TNRC6B: variants seen among roughly 807,000 people sequenced by gnomAD.
TNRC6B encodes trinucleotide repeat-containing gene 6B protein.
Under a neutral mutation model 203.6 loss-of-function variants are expected in TNRC6B, and 52 were observed. That is an observed-to-expected ratio of 0.26 (90% CI 0.20 to 0.32). TNRC6B has a LOEUF of 0.32. Ranked by LOEUF, TNRC6B falls within the 10% of genes least tolerant of loss-of-function variation. TNRC6B has a pLI of 1.00. For synonymous variants in TNRC6B, 838 were observed against 845.7 expected, an observed-to-expected ratio of 0.99 and a Z score of 0.16; for missense variants, 1,923 against 2,286.2, an observed-to-expected ratio of 0.84 and a Z score of 3.24.
chr22:40,096,735 A>G (rs2068188715), intron 1 of TNRC6B, among the ~76,000 whole-genome samples: 1 of 152,248 alleles, frequency 6.6e-6, no homozygotes, highest in African/African-American at 2.4e-5. Flanking sequence ...AATATTTATT[A>G]GCCAGAAAGC....
At chr22:40,182,906 T>C (rs2069152617) in intron 1 of TNRC6B, among the ~76,000 whole-genome samples, 1 of 152,206 alleles carries the variant, frequency 6.6e-6, no homozygotes, top group African/African-American at 2.4e-5. Context: ...GGAATTGCCT[T>C]CCTAGTTATT....
chr22:40,152,537 C>T (rs1174766697), intron 3 of TNRC6B, among the ~76,000 whole-genome samples: 1 of 152,110 alleles, frequency 6.6e-6, no homozygotes, highest in Non-Finnish European at 1.5e-5. Context: ...ACCATGTTAG[C>T]CAGGATGGTC....
In TNRC6B at chr22:40,138,470, T is replaced by C. The variant is rs1488103448; in HGVS notation, c.45+12608T>C. ...TAGTAGAGACGGGGTTTCGCTATGT[T>C]GGCCAGACTGGTCTCGAATTCCTGA... On this transcript the variant is annotated intron_variant, in intron 3 of 23. Transcript: ENST00000301923. Among the ~76,000 whole-genome samples the C allele has an allele frequency of 5.3e-5, 8 of 152,154 alleles. No homozygotes were observed. In the East Asian group the frequency reaches 1.5e-3, roughly 29 times the overall value.
chr22:40,088,152 C>G (rs2068116632), intron 1 of TNRC6B, among the ~76,000 whole-genome samples: 15 of 152,142 alleles, frequency 9.9e-5, no homozygotes, highest in Admixed American at 9.8e-4. Flanking sequence ...AAAGACTTTC[C>G]TATCTCGTCT....
At chr22:40,236,617 C>T (rs2069950935) in intron 1 of TNRC6B, among the ~76,000 whole-genome samples, 1 of 152,168 alleles carries the variant, frequency 6.6e-6, no homozygotes, top group Non-Finnish European at 1.5e-5. Flanking sequence ...GATGCTGTTA[C>T]AGCCAGTCAT....
At chr22:40,245,350 C>G (rs1290833500) in intron 1 of TNRC6B, among the ~76,000 whole-genome samples, 1 of 152,120 alleles carries the variant, frequency 6.6e-6, no homozygotes, top group Non-Finnish European at 1.5e-5. Context: ...CTCAGCCTCC[C>G]AGAGTGCTGG....
chr22:40,231,525 CT>C (rs138052), intron 1 of TNRC6B, among the ~76,000 whole-genome samples: 48,684 of 151,874 alleles, frequency 0.32, 9,557 homozygotes, highest in East Asian at 0.57. Flanking sequence ...TATATGGAAT[CT>C]TTTTTTAAAA....
intron 15 of TNRC6B, among the ~76,000 whole-genome samples, chr22:40,305,030 G>A (rs1477801672): frequency 6.6e-6 from 1 of 152,194 alleles, no homozygotes; most frequent in East Asian, 1.9e-4. Context: ...AACAGAGAGA[G>A]TGAAGGCAGG....
intron 1 of TNRC6B, among the ~76,000 whole-genome samples, chr22:40,210,685 T>A (rs535709014): frequency 6.6e-6 from 1 of 152,366 alleles, no homozygotes; most frequent in South Asian, 2.1e-4. Flanking sequence ...TCAGAAACTA[T>A]TAACATATTG....
At chr22:40,283,931 A>G (rs183782137) in intron 11 of TNRC6B, among the ~76,000 whole-genome samples, 1 of 152,382 alleles carries the variant, frequency 6.6e-6, no homozygotes, top group East Asian at 1.9e-4. Context: ...CCGTCCAAGG[A>G]CCAGTCGTGA....
rs113186299 is a variant in TNRC6B at position 40,193,266 on chromosome 22, C to G, written c.5+15126C>G. Among the ~76,000 whole-genome samples the G allele has an allele frequency of 3.5e-4, 53 of 152,278 alleles. 2 individuals carry two copies. The highest frequency in any genetic ancestry group is 1.3e-3 in the African/African-American group (52 of 41,540). On this transcript the variant is annotated intron_variant, in intron 1 of 22. Transcript: ENST00000454349. ...TCCAGGAGGAACTCACAGTGTTCAT[C>G]AGCGTCACCCCAGGACTTGCACAGC...
In TNRC6B at chr22:40,261,752, T is replaced by C. The variant is rs958825294; in HGVS notation, c.116-80T>C. 4 of 1,205,318 alleles carry C rather than the reference T, an allele frequency of 3.3e-6. No individual in the cohort carries two copies. The Admixed American group carries it at 1.3e-4, about 38-fold the overall frequency. The allele number at this position is 1,205,318 out of a possible 1,614,324, so 74.7% of individuals were successfully genotyped here. On this transcript the variant is annotated intron_variant, in intron 3 of 22. Coordinates refer to ENST00000454349, the MANE Select transcript of TNRC6B (RefSeq NM_001162501.2). ...GGCAAGACCCCATCTCTAAATAAAA[T>C]AATAAAATTATTTTTAAAATTTTTA...
At chr22:40,187,732 C>T (rs571697962) in intron 1 of TNRC6B, among the ~76,000 whole-genome samples, 40 of 152,202 alleles carry the variant, frequency 2.6e-4, no homozygotes, top group Non-Finnish European at 5.1e-4. Context: ...CACTTTTCTC[C>T]GTTTAGCCCC....
chr22:40,055,789 G>A (rs1236566795), intron 1 of TNRC6B, among the ~76,000 whole-genome samples: 2 of 152,184 alleles, frequency 1.3e-5, no homozygotes, highest in African/African-American at 4.8e-5. Context: ...CCTGAGGTGA[G>A]TGCTGATACC....
At chr22:40,226,968 G>A (rs987706457) in intron 1 of TNRC6B, among the ~76,000 whole-genome samples, 2 of 151,916 alleles carry the variant, frequency 1.3e-5, no homozygotes, top group African/African-American at 4.8e-5. Flanking sequence ...GTAGTGCAGT[G>A]GCACAATCTC....
intron 1 of TNRC6B, among the ~76,000 whole-genome samples, chr22:40,179,870 A>G (rs1019616570): frequency 6.6e-6 from 1 of 152,204 alleles, no homozygotes; most frequent in Admixed American, 6.5e-5. Flanking sequence ...TAACAAAAAG[A>G]CTTTCCATTT....
chr22:40,127,372 A>G (rs2068502554), intron 3 of TNRC6B, among the ~76,000 whole-genome samples: 1 of 152,116 alleles, frequency 6.6e-6, no homozygotes, highest in South Asian at 2.1e-4. Flanking sequence ...AAGCAGAAGC[A>G]TATAGGTTTT....
upstream of TNRC6B, among the ~76,000 whole-genome samples, chr22:40,175,547 A>G (rs2069048129): frequency 1.3e-5 from 2 of 152,232 alleles, no homozygotes; most frequent in African/African-American, 4.8e-5. Context: ...GTTCAGTTTC[A>G]TAAAGAAAGC....
At position 40,301,032 on chromosome 22, in the gene TNRC6B, G is replaced by A. The variant is rs377491521; in HGVS notation, c.3936+27G>A. 31 of 1,601,724 alleles carry A rather than the reference G, an allele frequency of 1.9e-5. No homozygotes were observed. In the African/African-American group the frequency reaches 4.0e-4, roughly 21 times the overall value. Reference sequence around the variant, plus strand: ...TACGTGGGTAGGCAGGGTCCCTCCAGTGCTGTGTTGGAGGAGTACATCCCG... The same window carrying A: ...TACGTGGGTAGGCAGGGTCCCTCCAATGCTGTGTTGGAGGAGTACATCCCG... On this transcript the variant is annotated intron_variant, in intron 14 of 22. Transcript: ENST00000454349.
Sources: gnomAD v4.1 joint callset for allele counts (sites outside exome capture counted in the v4.1 genomes callset) on GRCh38, gnomAD v4.1.1 for gene constraint, MANE v1.5 for transcripts, NCBI Gene and HGNC (gene_info 2026-07-23, HGNC 2026-07-21) for gene names.